POFUT3: variants seen among roughly 807,000 people sequenced by gnomAD.
The protein encoded by POFUT3 is GDP-fucose protein O-fucosyltransferase 3.
At chr8:33,341,156 C>T in the POFUT3 span, among the ~76,000 whole-genome samples, 29 of 151,978 alleles carry the variant, frequency 1.9e-4, no homozygotes, top group Non-Finnish European at 2.6e-4. Flanking sequence ...AAATATTTGG[C>T]GAGGCGCGGT....
At chr8:33,419,267 AC>A in the POFUT3 span, among the ~76,000 whole-genome samples, 1 of 152,206 alleles carries the variant, frequency 6.6e-6, no homozygotes, top group African/African-American at 2.4e-5. Context: ...GGTGATAGAT[AC>A]CTTAAATCAG....
the POFUT3 span, among the ~76,000 whole-genome samples, chr8:33,330,843 A>C: frequency 6.6e-6 from 1 of 151,918 alleles, no homozygotes; most frequent in African/African-American, 2.4e-5. Context: ...ATGGTGTTTC[A>C]CATCTCTGCG....
the POFUT3 span, among the ~76,000 whole-genome samples, chr8:33,324,387 G>C: frequency 8.5e-5 from 13 of 152,196 alleles, no homozygotes; most frequent in African/African-American, 2.9e-4. Flanking sequence ...AATAGAACAT[G>C]CTCTCCCTGG....
the POFUT3 span, among the ~76,000 whole-genome samples, chr8:33,468,951 A>G: frequency 2.0e-5 from 3 of 152,204 alleles, no homozygotes; most frequent in Non-Finnish European, 4.4e-5. Flanking sequence ...AATACCACGG[A>G]AAGTTTTTAG....
At chr8:33,389,298 A>G in the POFUT3 span, 7 of 1,614,152 alleles carry the variant, frequency 4.3e-6, no homozygotes, top group African/African-American at 6.7e-5. Flanking sequence ...GGCCTCCAGA[A>G]CTTCTCAGTG....
At chr8:33,468,518 G>A in the POFUT3 span, among the ~76,000 whole-genome samples, 1 of 152,182 alleles carries the variant, frequency 6.6e-6, no homozygotes, top group Non-Finnish European at 1.5e-5. Flanking sequence ...CTCTCCCAAG[G>A]TGTTTTCACT....
chr8:33,401,232 C>G, the POFUT3 span, among the ~76,000 whole-genome samples: 1 of 152,114 alleles, frequency 6.6e-6, no homozygotes, highest in Non-Finnish European at 1.5e-5. Context: ...GTGATCCGCC[C>G]ACCTCAGCCT....
the POFUT3 span, among the ~76,000 whole-genome samples, chr8:33,333,890 G>A: frequency 6.6e-6 from 1 of 152,122 alleles, no homozygotes; most frequent in Non-Finnish European, 1.5e-5. Context: ...AGTGAGGAAG[G>A]GAAGTGGCAA....
the POFUT3 span, among the ~76,000 whole-genome samples, chr8:33,451,506 ATATG>A: frequency 2.0e-5 from 3 of 152,008 alleles, no homozygotes; most frequent in Admixed American, 2.0e-4. Context: ...ATGTAGATGT[ATATG>A]TGTGTACATA....
the POFUT3 span, among the ~76,000 whole-genome samples, chr8:33,326,579 G>T: frequency 3.2e-3 from 493 of 152,226 alleles, 1 homozygote; most frequent in Middle Eastern, 0.017. Context: ...GGAGCTCGGG[G>T]TATTTCTGAG....
At chr8:33,329,649 G>C in the POFUT3 span, among the ~76,000 whole-genome samples, 1 of 152,114 alleles carries the variant, frequency 6.6e-6, no homozygotes, top group East Asian at 1.9e-4. Context: ...AGAGAGAGGC[G>C]CTTCCCCTTA....
the POFUT3 span, among the ~76,000 whole-genome samples, chr8:33,318,321 G>A: frequency 1.3e-5 from 2 of 150,654 alleles, no homozygotes; most frequent in African/African-American, 4.9e-5. Context: ...AAAAGCTCAG[G>A]CTAGAAATAA....
the POFUT3 span, among the ~76,000 whole-genome samples, chr8:33,319,926 C>G: frequency 6.7e-6 from 1 of 148,836 alleles, no homozygotes; most frequent in South Asian, 2.1e-4. Context: ...TTGGCACTGA[C>G]ATAATGAATA....
the POFUT3 span, among the ~76,000 whole-genome samples, chr8:33,370,503 A>G: frequency 6.6e-6 from 1 of 152,238 alleles, no homozygotes; most frequent in Non-Finnish European, 1.5e-5. Flanking sequence ...ATTTCACAAA[A>G]GGAGACAGTG....
At chr8:33,458,417 T>C in the POFUT3 span, among the ~76,000 whole-genome samples, 2 of 152,130 alleles carry the variant, frequency 1.3e-5, no homozygotes, top group South Asian at 2.1e-4. Context: ...TTCATTTGCC[T>C]AAAAACAGGA....
chr8:33,427,434 C>T, the POFUT3 span, among the ~76,000 whole-genome samples: 1 of 151,952 alleles, frequency 6.6e-6, no homozygotes, highest in South Asian at 2.1e-4. Flanking sequence ...AAAAAATTAG[C>T]TGGGCATGGT....
the POFUT3 span, among the ~76,000 whole-genome samples, chr8:33,408,612 G>C: frequency 6.6e-6 from 1 of 152,120 alleles, no homozygotes; most frequent in South Asian, 2.1e-4. Context: ...GTGCAACAAA[G>C]GCTGGAAATC....
chr8:33,451,032 A>G, the POFUT3 span, among the ~76,000 whole-genome samples: 1 of 149,406 alleles, frequency 6.7e-6, no homozygotes, highest in African/African-American at 2.5e-5. Context: ...GAGAGGAGCA[A>G]AAAAAAAAAG....
the POFUT3 span, among the ~76,000 whole-genome samples, chr8:33,398,215 TTTTG>T: frequency 7.7e-4 from 118 of 152,326 alleles, 1 homozygote; most frequent in African/African-American, 2.8e-3. Flanking sequence ...TATTTTTTTG[TTTTG>T]TTTTTCAATT....
Sources: gnomAD v4.1 joint callset for allele counts (sites outside exome capture counted in the v4.1 genomes callset) on GRCh38, gnomAD v4.1.1 for gene constraint, MANE v1.5 for transcripts, NCBI Gene and HGNC (gene_info 2026-07-23, HGNC 2026-07-21) for gene names.